Variants in FAT4 observed in about 807,000 individuals in gnomAD.
FAT4 encodes protocadherin Fat 4.
FAT4 carries 84 observed loss-of-function variants against 303.9 expected under a neutral mutation model. The observed-to-expected ratio is 0.28, with a 90% CI of 0.23 to 0.33. The LOEUF (loss-of-function observed/expected upper bound fraction) is 0.33. FAT4 is among the 10% of genes least tolerant of loss of function. FAT4 has a pLI of 1.00. For missense variants in FAT4, 6,005 were observed against 6,146.8 expected, an observed-to-expected ratio of 0.98 and a Z score of 0.77; for synonymous variants, 2,307 against 2,298.8, an observed-to-expected ratio of 1.00 and a Z score of -0.10.
At position 125,492,371 on chromosome 4, in the gene FAT4, G is replaced by A. The variant is rs1413921528; in HGVS notation, c.*603G>A. The A allele has an allele frequency of 6.6e-6, 1 of 152,360 alleles. No individual in the cohort carries two copies. The highest frequency in any genetic ancestry group is 1.9e-4 in the East Asian group (1 of 5,198). 9.4% of individuals were successfully genotyped at this position (152,360 alleles called of 1,614,324 possible). A position where few individuals can be genotyped will look rare whatever the true frequency, so the allele number is the denominator to read the frequency against. ...TTCAGCACTTTAACGCTTTCTTATA[G>A]AATTGTCTTAAAACTTCTGGATCCT... On this transcript the variant is annotated 3_prime_UTR_variant, in exon 18 of 18. Coordinates refer to ENST00000394329, the MANE Select transcript of FAT4 (RefSeq NM_001291303.3).
rs1448745524 is a variant in FAT4 at position 125,448,995 on chromosome 4, T to C, written c.7985T>C (p.Leu2662Ser). The change falls in exon 10 of 18, where the codon TTA (leucine) becomes TCA (serine). Residue 2662 changes from leucine (L) to serine (S), a missense_variant. Coordinates refer to ENST00000394329, the MANE Select transcript of FAT4 (RefSeq NM_001291303.3). ...SSYEKLDITV[L>S]DVNDNAPIFK... is the part of the protein sequence containing the mutation. ...TACGAGAAACTTGATATAACAGTAT[T>C]AGATGTCAATGATAATGCCCCAATT... 6.2e-6 allele frequency: 10 copies of C among 1,613,776 alleles called. No individual in the cohort carries two copies. The highest frequency in any genetic ancestry group is 8.5e-6 in the Non-Finnish European group (10 of 1,179,880).
At chr4:125,435,321 C>T (rs975937909) in intron 8 of FAT4, among the ~76,000 whole-genome samples, 6 of 152,146 alleles carry the variant, frequency 3.9e-5, no homozygotes, top group African/African-American at 1.4e-4. Context: ...AACTCACACA[C>T]ATAAATATTT....
chr4:125,451,582 G>A lies in FAT4; in HGVS notation c.10572G>A (p.Arg3524=), dbSNP rs1357406395. The A allele has an allele frequency of 1.9e-6, 3 of 1,614,088 alleles. No homozygotes were observed. Among genetic ancestry groups the A allele is most frequent in the South Asian group, 2.2e-5 (2 of 91,082 alleles). ...VSEGEVMENK[R]PGTLVMTLQS... ...AAGGAGAAGTCATGGAAAACAAACG[G>A]CCAGGCACTTTGGTGATGACCCTTC... is the stretch of plus-strand genomic sequence containing the variant. The change falls in exon 10 of 18, where the codon CGG becomes CGA. Residue 3524 remains arginine, a synonymous_variant. Transcript: ENST00000394329.
Position 125,452,039 on chromosome 4 carries a change from A to G in FAT4, c.11029A>G (p.Thr3677Ala), listed in dbSNP as rs1375182987. The G allele has an allele frequency of 6.2e-7, 1 of 1,614,156 alleles. No individual in the cohort carries two copies. The highest frequency in any genetic ancestry group is 1.1e-5 in the South Asian group (1 of 91,082). The change falls in exon 10 of 18, where the codon ACA (threonine) becomes GCA (alanine). Residue 3677 changes from threonine (T) to alanine (A), a missense_variant. Coordinates refer to ENST00000394329, the MANE Select transcript of FAT4 (RefSeq NM_001291303.3). Reference sequence around the variant, plus strand: ...TGATCTGAATTCCCAGCCAAGGTCCACAGATGGCACGTTTGATCTGACTGT... The same window carrying G: ...TGATCTGAATTCCCAGCCAAGGTCCGCAGATGGCACGTTTGATCTGACTGT... ...TCDLNSQPRS[T>A]DGTFDLTVLS...
intron 7 of FAT4, among the ~76,000 whole-genome samples, chr4:125,424,668 G>A (rs1725026556): frequency 6.6e-6 from 1 of 152,148 alleles, no homozygotes. Flanking sequence ...TCTAGGTGCT[G>A]AAGATAGGCT....
At chr4:125,439,288 C>T (rs1983117) in intron 8 of FAT4, among the ~76,000 whole-genome samples, 151,030 of 152,056 alleles carry the variant, frequency 0.99, 75,011 homozygotes, top group Middle Eastern at 1. Flanking sequence ...CTGGAGACAG[C>T]CACAAACTCC....
intron 12 of FAT4, among the ~76,000 whole-genome samples, chr4:125,473,165 A>G (rs978048025): frequency 1.3e-5 from 2 of 152,100 alleles, no homozygotes; most frequent in African/African-American, 4.8e-5. Flanking sequence ...ATTAATCATA[A>G]TTAAAATTTT....
rs773128141 is a variant in FAT4 at position 125,490,710 on chromosome 4, C to G, written c.13894C>G (p.Pro4632Ala). 8.1e-6 allele frequency: 13 copies of G among 1,614,114 alleles called. No homozygotes were observed. The highest frequency in any genetic ancestry group is 1.1e-5 in the Non-Finnish European group (13 of 1,180,018). Reference protein sequence around the residue: ...YDIDNASSIAPSDADIIQHYK... With the variant: ...YDIDNASSIAASDADIIQHYK... ...CATTGACAACGCCAGCAGCATCGCC[C>G]CTTCGGATGCAGACATCATTCAACA... The change falls in exon 18 of 18, where the codon CCT becomes GCT. Residue 4632 changes from proline to alanine, a missense_variant. By Grantham distance (27) the Pro-to-Ala change is conservative (BLOSUM62 -1). Coordinates refer to ENST00000394329, the MANE Select transcript of FAT4 (RefSeq NM_001291303.3).
chr4:125,363,161 G>A (rs1732736155), intron 2 of FAT4, among the ~76,000 whole-genome samples: 1 of 151,954 alleles, frequency 6.6e-6, no homozygotes, highest in Non-Finnish European at 1.5e-5. Flanking sequence ...CATATATGTG[G>A]GTGTCCTTAG....
rs761477995 is a variant in FAT4, at chr4:125,415,390, A to G, written c.6427A>G (p.Met2143Val). ...SLSSSTEVVV[M>V]VLDINDNNPI... ...CTCTTCATCTACAGAGGTTGTAGTT[A>G]TGGTACTTGACATCAATGATAACAA... The change falls in exon 6 of 18, where the codon ATG becomes GTG. Residue 2143 changes from methionine (M) to valine (V), a missense_variant. By Grantham distance (21) the Met-to-Val change is conservative. Coordinates refer to ENST00000394329, the MANE Select transcript of FAT4 (RefSeq NM_001291303.3). 2.5e-6 allele frequency: 4 copies of G among 1,614,088 alleles called. No individual in the cohort carries two copies. The South Asian group carries it at 4.4e-5, about 18-fold the overall frequency.
rs114238823 is a variant in FAT4 at position 125,442,204 on chromosome 4, C to T, written c.7200-4089C>T. On this transcript the variant is annotated intron_variant, in intron 8 of 17. Transcript: ENST00000394329. ...CCTTTACAACTTATGTTAAATTTAC[C>T]TTTCTCTGAGGAAGCTTTATTTTAA... 9.9e-3 allele frequency among the ~76,000 whole-genome samples: 1,512 copies of T among 152,098 alleles called. 31 individuals are homozygous for T. The highest frequency in any genetic ancestry group is 0.035 in the African/African-American group (1,437 of 41,480).
At chr4:125,428,111 G>A (rs531488562) in intron 7 of FAT4, among the ~76,000 whole-genome samples, 4 of 151,954 alleles carry the variant, frequency 2.6e-5, no homozygotes, top group East Asian at 1.9e-4. Context: ...TAGCCTGACC[G>A]ACAAGGTGAA....
In FAT4 at chr4:125,319,820, T is replaced by C. The variant is rs755558808; in HGVS notation, c.3409T>C (p.Tyr1137His). Reference sequence around the variant, plus strand: ...CTTTGGGCCAAATGGAGAAGTAAGGTATTCTTTTGAAATGGTGCAGCCAGA... The same window carrying C: ...CTTTGGGCCAAATGGAGAAGTAAGGCATTCTTTTGAAATGGTGCAGCCAGA... ...KDFGPNGEVR[Y>H]SFEMVQPDFE... The change falls in exon 2 of 18, where the codon TAT becomes CAT. Residue 1137 changes from tyrosine (Y) to histidine (H), a missense_variant. Tyr to His is a moderately conservative substitution (Grantham distance 83). Transcript: ENST00000394329. The C allele has an allele frequency of 1.1e-5, 17 of 1,614,038 alleles. No homozygotes were observed. Among genetic ancestry groups the C allele is most frequent in the Non-Finnish European group, 1.4e-5 (16 of 1,180,048 alleles).
intron 2 of FAT4, among the ~76,000 whole-genome samples, chr4:125,323,531 C>T (rs1442451493): frequency 6.6e-6 from 1 of 151,928 alleles, no homozygotes; most frequent in Non-Finnish European, 1.5e-5. Flanking sequence ...AAAAAAAAGT[C>T]AGCATATCTT....
intron 17 of FAT4, among the ~76,000 whole-genome samples, chr4:125,489,136 G>A (rs751158187): frequency 1.7e-4 from 26 of 152,154 alleles, no homozygotes; most frequent in Non-Finnish European, 3.7e-4. Context: ...GGTTATTATA[G>A]AATGTTGTGA....
In FAT4 at chr4:125,450,400, T is replaced by G. The variant is rs770943250; in HGVS notation, c.9390T>G (p.Ile3130Met). Reference sequence around the variant, plus strand: ...TGAATGGCTTGATTAAGTACAGCATTTCTTCAGGAAATGAAGAAGGCATTT... The same window carrying G: ...TGAATGGCTTGATTAAGTACAGCATGTCTTCAGGAAATGAAGAAGGCATTT... The part of the protein sequence containing the change: ...AAMNGLIKYS[I>M]SSGNEEGIFA... The change falls in exon 10 of 18, where the codon ATT (isoleucine) becomes ATG (methionine). Residue 3130 changes from isoleucine (I) to methionine (M), a missense_variant. By Grantham distance (10) the Ile-to-Met change is conservative. Transcript: ENST00000394329. 1.9e-6 allele frequency: 3 copies of G among 1,613,972 alleles called. No individual in the cohort carries two copies. In the African/African-American group the frequency reaches 4.0e-5, roughly 22 times the overall value.
intron 2 of FAT4, among the ~76,000 whole-genome samples, chr4:125,343,412 C>A (rs1361072293): frequency 6.6e-6 from 1 of 152,076 alleles, no homozygotes; most frequent in Admixed American, 6.6e-5. Context: ...ACCTCCTGTG[C>A]ATGTTACCAG....
chr4:125,440,610 T>TGAGAGAGAGA (rs1553925990), intron 8 of FAT4, among the ~76,000 whole-genome samples: 2,435 of 75,700 alleles, frequency 0.032, 94 homozygotes, highest in East Asian at 0.057. Context: ...TGTGTGTGTG[T>TGAGAGAGAGA]GAGAGAGAGA....
chr4:125,413,126 G>C (rs557079095), intron 5 of FAT4, among the ~76,000 whole-genome samples: 1 of 151,522 alleles, frequency 6.6e-6, no homozygotes, highest in African/African-American at 2.4e-5. Context: ...ATGTATATAC[G>C]TATATTTACG....
Sources: gnomAD v4.1 joint callset for allele counts (sites outside exome capture counted in the v4.1 genomes callset) on GRCh38, gnomAD v4.1.1 for gene constraint, MANE v1.5 for transcripts, NCBI Gene and HGNC (gene_info 2026-07-23, HGNC 2026-07-21) for gene names.